YES1: variants seen among roughly 807,000 people sequenced by gnomAD.
YES1 encodes the protein YES proto-oncogene 1, Src family tyrosine kinase.
Under a neutral mutation model 70.4 loss-of-function variants are expected in YES1, and 39 were observed. The ratio of observed to expected loss-of-function variants is 0.55; its 90% CI spans 0.43 to 0.72. The LOEUF (loss-of-function observed/expected upper bound fraction) is 0.72. YES1 is among the 30% of genes least tolerant of loss of function. The pLI, the probability that YES1 is intolerant of heterozygous loss-of-function variation, is 0.00. For missense variants in YES1, 495 were observed against 644.8 expected (o/e 0.77, Z 2.52); for synonymous variants, 198 against 218.6 (o/e 0.91, Z 0.83).
At chr18:776,239 G>A (rs1229069337) in intron 1 of YES1, among the ~76,000 whole-genome samples, 1 of 151,562 alleles carries the variant, frequency 6.6e-6, no homozygotes, top group South Asian at 2.1e-4. Flanking sequence ...TGTCGCCCAG[G>A]CTGGAGTGCA....
At chr18:782,689 T>C (rs753376692) in intron 1 of YES1, among the ~76,000 whole-genome samples, 2 of 152,208 alleles carry the variant, frequency 1.3e-5, no homozygotes, top group Non-Finnish European at 2.9e-5. Flanking sequence ...TATTTTTTCT[T>C]TCTAATTTTA....
At chr18:766,644 G>A (rs1904923378) in intron 1 of YES1, among the ~76,000 whole-genome samples, 1 of 151,942 alleles carries the variant, frequency 6.6e-6, no homozygotes, top group African/African-American at 2.4e-5. Flanking sequence ...TCCCTTTGTG[G>A]TTTTTACATT....
intron 11 of YES1, among the ~76,000 whole-genome samples, chr18:731,794 C>G (rs6506489): frequency 0.46 from 69,739 of 151,418 alleles, 16,311 homozygotes; most frequent in African/African-American, 0.55. Context: ...GGTGAAACCC[C>G]GTCTCTACTA....
intron 2 of YES1, among the ~76,000 whole-genome samples, chr18:752,665 G>A (rs1354773963): frequency 6.6e-6 from 1 of 152,066 alleles, no homozygotes; most frequent in East Asian, 1.9e-4. Context: ...GGTATCAGAC[G>A]GTCACAGTGG....
chr18:773,612 T>C (rs1202885821), intron 1 of YES1, among the ~76,000 whole-genome samples: 1 of 152,156 alleles, frequency 6.6e-6, no homozygotes. Flanking sequence ...TCAGGCATTC[T>C]CTTCTCTTTT....
At chr18:735,805 G>C (rs2080146431) in intron 10 of YES1, 2 of 151,976 alleles carry the variant, frequency 1.3e-5, no homozygotes, top group South Asian at 2.1e-4. Context: ...TAAAGAACTA[G>C]TTTCCCAAAA....
intron 1 of YES1, among the ~76,000 whole-genome samples, chr18:770,675 G>A (rs1905112599): frequency 6.6e-6 from 1 of 152,274 alleles, no homozygotes; most frequent in East Asian, 1.9e-4. Context: ...GGGTGGGTGG[G>A]TGCCTGTAAA....
intron 1 of YES1, among the ~76,000 whole-genome samples, chr18:764,193 T>C (rs1006800142): frequency 1.3e-5 from 2 of 152,116 alleles, no homozygotes; most frequent in Non-Finnish European, 2.9e-5. Flanking sequence ...ACTATACGTG[T>C]ATTAAGGGTT....
chr18:764,892 C>T (rs985377365), intron 1 of YES1, among the ~76,000 whole-genome samples: 1 of 151,704 alleles, frequency 6.6e-6, no homozygotes, highest in African/African-American at 2.4e-5. Context: ...ACCACCACAC[C>T]CGGCTAATTT....
chr18:756,833 A>C lies in YES1; in HGVS notation c.-6T>G, dbSNP rs754527349. On this transcript the variant is annotated splice_region_variant and 5_prime_UTR_variant, in exon 2 of 12. In the 5' UTR this introduces an upstream ATG that the reference lacks. Coordinates refer to ENST00000314574, the MANE Select transcript of YES1 (RefSeq NM_005433.4). ...TTACTTTTAATGCAGCCCATTATCA[A>C]ATCTACAGAGACAATAAAATATTTT... 3 of 1,611,268 alleles carry C rather than the reference A, an allele frequency of 1.9e-6. No homozygotes were observed. Among genetic ancestry groups the C allele is most frequent in the Non-Finnish European group, 2.5e-6 (3 of 1,178,616 alleles).
chr18:779,290 G>A (rs1259048833), intron 1 of YES1, among the ~76,000 whole-genome samples: 1 of 151,818 alleles, frequency 6.6e-6, no homozygotes, highest in Non-Finnish European at 1.5e-5. Context: ...TGTAGTCCTG[G>A]CTACTCAGAA....
chr18:797,004 G>C (rs1420536868), intron 1 of YES1, among the ~76,000 whole-genome samples: 1 of 152,044 alleles, frequency 6.6e-6, no homozygotes, highest in East Asian at 1.9e-4. Context: ...CCTGTAAGTA[G>C]AATTTTTAAC....
At position 731,929 on chromosome 18, in the gene YES1, T is replaced by C. The variant is rs1429601020; in HGVS notation, c.1423+905A>G. ...CTGCAGTGAGCTGAGATCGTGCCAC[T>C]GCACTCCAGCCTGGGCGACAGAGCG... On this transcript the variant is annotated intron_variant, in intron 11 of 11. Transcript: ENST00000314574. 1.0e-4 allele frequency among the ~76,000 whole-genome samples: 13 copies of C among 128,016 alleles called. No individual in the cohort carries two copies. In the East Asian group the frequency reaches 1.2e-3, roughly 12 times the overall value. The allele number at this position is 128,016 out of a possible 152,430, so 84.0% of individuals were successfully genotyped here.
chr18:725,832 C>T (rs1257099578), intron 11 of YES1, among the ~76,000 whole-genome samples: 2 of 151,896 alleles, frequency 1.3e-5, no homozygotes, highest in Admixed American at 6.6e-5. Flanking sequence ...TGCAGTGAGC[C>T]GAGATTGCGC....
chr18:808,978 A>AC (rs1285209129), intron 1 of YES1, among the ~76,000 whole-genome samples: 1 of 152,240 alleles, frequency 6.6e-6, no homozygotes, highest in Non-Finnish European at 1.5e-5. Flanking sequence ...CTAAAGAATT[A>AC]CTGTTCTAGA....
At position 771,240 on chromosome 18, in the gene YES1, G is replaced by C. The variant is rs769717258; in HGVS notation, c.-8-14405C>G. On this transcript the variant is annotated intron_variant, in intron 1 of 11. Transcript: ENST00000314574. ...AAATAAGCTGGGCATGGTGGTGCAT[G>C]CCTGTAATCCCAGCTACCTGGGAAG... Among the ~76,000 whole-genome samples, 92 of 152,012 alleles carry C rather than the reference G, an allele frequency of 6.1e-4. 1 individual carries two copies. Among genetic ancestry groups the C allele is most frequent in the Non-Finnish European group, 5.0e-4 (34 of 68,006 alleles).
chr18:786,386 T>G (rs1386613901), intron 1 of YES1, among the ~76,000 whole-genome samples: 2 of 152,018 alleles, frequency 1.3e-5, no homozygotes, highest in Non-Finnish European at 2.9e-5. Flanking sequence ...TGAGGGACAC[T>G]GGCAAGAGAG....
At chr18:806,766 A>G (rs1568223684) in intron 1 of YES1, among the ~76,000 whole-genome samples, 1 of 152,252 alleles carries the variant, frequency 6.6e-6, no homozygotes, top group Non-Finnish European at 1.5e-5. Flanking sequence ...CTTGCTAAGT[A>G]TATGCCATAA....
At chr18:807,565 G>A (rs900010934) in intron 1 of YES1, among the ~76,000 whole-genome samples, 1 of 152,186 alleles carries the variant, frequency 6.6e-6, no homozygotes. Context: ...ATATTTATAA[G>A]CTGAGCAGCA....
Sources: allele counts gnomAD v4.1 joint callset (sites outside exome capture counted in the v4.1 genomes callset), GRCh38; gene constraint gnomAD v4.1.1; transcripts MANE v1.5; gene names NCBI Gene and HGNC (gene_info 2026-07-23, HGNC 2026-07-21).